Variants in PCDHA3 observed in about 807,000 individuals in gnomAD.
PCDHA3 encodes protocadherin alpha-3.
A neutral mutation model predicts 62.2 loss-of-function variants in PCDHA3; 41 were observed. The observed-to-expected ratio is 0.66, with a 90% CI of 0.51 to 0.86. The LOEUF is 0.86. PCDHA3 is among the 40% of genes least tolerant of loss of function. The pLI, the probability that PCDHA3 is intolerant of heterozygous loss-of-function variation, is 0.00. For synonymous variants in PCDHA3, 640 were observed against 555.4 expected (o/e 1.15, Z -2.14); for missense variants, 1,304 against 1,241.2 (o/e 1.05, Z -0.76).
chr5:140,979,002 G>A lies in PCDHA3; in HGVS notation c.2448G>A (p.Met816Ile). 6.2e-7 allele frequency: 1 copy of A among 1,614,130 alleles called. No homozygotes were observed. The highest frequency in any genetic ancestry group is 8.5e-7 in the Non-Finnish European group (1 of 1,180,014). ...WRYSASLRAG[M>I]HSSVHLEEAG... ...ACTCTGCCTCCCTGAGAGCAGGCAT[G>A]CACAGGTATGTATTTCCCTCCTCAT... The change falls in exon 2 of 4, where the codon ATG becomes ATA. Residue 816 changes from methionine (M) to isoleucine (I), a missense_variant. Transcript: ENST00000522353.
intron 1 of PCDHA3, among the ~76,000 whole-genome samples, chr5:140,831,626 G>T (rs1771648020): frequency 6.7e-6 from 1 of 149,106 alleles, no homozygotes; most frequent in Non-Finnish European, 1.5e-5. Flanking sequence ...GCCTCCCAAA[G>T]TACTAAGATT....
chr5:140,883,575 G>C (rs782472492), intron 1 of PCDHA3: 87 of 1,613,954 alleles, frequency 5.4e-5, no homozygotes, highest in Non-Finnish European at 7.4e-5. Context: ...CCTTCGCTGT[G>C]GGCCACGGCC....
At chr5:140,829,270 C>G (rs2150165007) in intron 1 of PCDHA3, 4 of 1,614,142 alleles carry the variant, frequency 2.5e-6, no homozygotes, top group African/African-American at 1.3e-5. Flanking sequence ...CGCCTCACGT[C>G]CCTTTCAAGC....
Position 140,845,288 on chromosome 5 carries a change from C to T in PCDHA3, c.2394+41697C>T, listed in dbSNP as rs1304336704. ...CTTTGTGAAAGTAATATTTCCTATC[C>T]TGTCTATGTCTACCTGGTTCTCAGG... On this transcript the variant is annotated intron_variant, in intron 1 of 3. Coordinates refer to ENST00000522353, the MANE Select transcript of PCDHA3 (RefSeq NM_018906.3). Among the ~76,000 whole-genome samples the T allele has an allele frequency of 3.4e-5, 5 of 149,098 alleles. 1 individual carries two copies. Among genetic ancestry groups the T allele is most frequent in the African/African-American group, 9.8e-5 (4 of 40,716 alleles).
intron 1 of PCDHA3, chr5:140,968,366 G>A (rs145153557): frequency 7.4e-6 from 12 of 1,614,078 alleles, no homozygotes; most frequent in Non-Finnish European, 1.0e-5. Flanking sequence ...CCTTTATGCT[G>A]TCAACTCCTT....
Position 140,853,795 on chromosome 5 carries a change from T to C in PCDHA3, c.2394+50204T>C. On this transcript the variant is annotated intron_variant, in intron 1 of 3. Coordinates refer to ENST00000522353, the MANE Select transcript of PCDHA3 (RefSeq NM_018906.3). ...AATGGGTAGTAAGAGCAAATTTTCA[T>C]TTTAAAGCACACCTGAGATGATTCT... is the stretch of plus-strand genomic sequence containing the variant. 3 of 987,582 alleles carry C rather than the reference T, an allele frequency of 3.0e-6. 1 individual carries two copies. The highest frequency in any genetic ancestry group is 3.7e-6 in the Non-Finnish European group (3 of 819,504). The allele number at this position is 987,582 out of a possible 1,614,324, so 61.2% of individuals were successfully genotyped here.
intron 1 of PCDHA3, chr5:140,841,784 G>A (rs1777488668): frequency 6.2e-7 from 1 of 1,613,812 alleles, no homozygotes; most frequent in African/African-American, 1.3e-5. Context: ...GTTTCCGCTA[G>A]AGGGCGCGTC....
At chr5:140,907,915 C>T (rs1554193177) in intron 1 of PCDHA3, among the ~76,000 whole-genome samples, 1 of 152,234 alleles carries the variant, frequency 6.6e-6, no homozygotes, top group Admixed American at 6.5e-5. Context: ...TTTGACCACT[C>T]AGAGAGGTCC....
At chr5:140,873,752 C>T (rs2054472285) in intron 1 of PCDHA3, among the ~76,000 whole-genome samples, 1 of 152,154 alleles carries the variant, frequency 6.6e-6, no homozygotes, top group Non-Finnish European at 1.5e-5. Flanking sequence ...TCTCCACCTC[C>T]CATGTTCAAG....
intron 1 of PCDHA3, chr5:140,824,475 A>G (rs1438730480): frequency 7.7e-6 from 3 of 390,628 alleles, no homozygotes; most frequent in Non-Finnish European, 1.4e-5. Context: ...TTTTATTGTT[A>G]TTTTTTAGAG....
intron 1 of PCDHA3, among the ~76,000 whole-genome samples, chr5:140,961,280 C>G (rs246003): frequency 0.56 from 85,679 of 152,048 alleles, 24,751 homozygotes; most frequent in African/African-American, 0.69. Flanking sequence ...TACCATGGCT[C>G]TGTTTCTTGA....
intron 1 of PCDHA3, chr5:140,882,358 G>A: frequency 1.9e-6 from 3 of 1,614,232 alleles, no homozygotes; most frequent in Non-Finnish European, 2.5e-6. Context: ...GTAGTGGCCA[G>A]CTCCACTACT....
At chr5:140,941,558 A>G (rs903071259) in intron 1 of PCDHA3, among the ~76,000 whole-genome samples, 1 of 151,596 alleles carries the variant, frequency 6.6e-6, no homozygotes, top group African/African-American at 2.4e-5. Context: ...CTCGTGATCC[A>G]TTCGCCTCAG....
intron 1 of PCDHA3, among the ~76,000 whole-genome samples, chr5:140,958,951 A>C (rs1212039253): frequency 6.6e-6 from 1 of 151,992 alleles, no homozygotes; most frequent in Non-Finnish European, 1.5e-5. Flanking sequence ...ATATTATATT[A>C]TTATAATTGT....
At chr5:140,822,661 T>G in intron 1 of PCDHA3, 1 of 1,609,178 alleles carries the variant, frequency 6.2e-7, no homozygotes. Flanking sequence ...TATAATTAAT[T>G]CTAATACTGG....
intron 1 of PCDHA3, among the ~76,000 whole-genome samples, chr5:140,837,580 TTGTAAATCGCCAA>T (rs1410482182): frequency 1.4e-4 from 22 of 151,942 alleles, no homozygotes; most frequent in Admixed American, 1.1e-3. Context: ...AATCACCAAA[TTGTAAATCGCCAA>T]TATATATATT....
chr5:140,857,677 T>C lies in PCDHA3; in HGVS notation c.2394+54086T>C, dbSNP rs377237803. 36 of 1,596,766 alleles carry C rather than the reference T, an allele frequency of 2.3e-5. 2 individuals carry two copies. In the African/African-American group the frequency reaches 4.6e-4, roughly 20 times the overall value. On this transcript the variant is annotated intron_variant, in intron 1 of 3. Transcript: ENST00000522353. ...GCGCGCGCGATGGGGGCGTGCCGCC[T>C]CTGGGCAGCAACTTGACGCTGCAGG...
intron 1 of PCDHA3, among the ~76,000 whole-genome samples, chr5:140,952,740 C>T (rs2094790841): frequency 1.3e-5 from 2 of 152,184 alleles, no homozygotes; most frequent in African/African-American, 2.4e-5. Flanking sequence ...TTTTCTCACA[C>T]TGCTATAAAA....
At chr5:140,897,560 T>C (rs1398247980) in intron 1 of PCDHA3, among the ~76,000 whole-genome samples, 1 of 152,200 alleles carries the variant, frequency 6.6e-6, no homozygotes, top group Non-Finnish European at 1.5e-5. Flanking sequence ...GGTGTATATG[T>C]GCCACATTTT....
Sources: gnomAD v4.1 joint callset for allele counts (sites outside exome capture counted in the v4.1 genomes callset) on GRCh38, gnomAD v4.1.1 for gene constraint, MANE v1.5 for transcripts, NCBI Gene and HGNC (gene_info 2026-07-23, HGNC 2026-07-21) for gene names.